Variants in PLCL1 observed in about 807,000 individuals in gnomAD.
PLCL1 encodes the protein inactive phospholipase C-like protein 1.
PLCL1 carries 41 observed loss-of-function variants against 84.4 expected under a neutral mutation model. The observed-to-expected ratio is 0.49, with a 90% CI of 0.38 to 0.63. The LOEUF (loss-of-function observed/expected upper bound fraction) is 0.63. PLCL1 is among the 30% of genes least tolerant of loss of function. PLCL1 has a pLI of 0.00. For synonymous variants in PLCL1, 490 were observed against 488.3 expected (o/e 1.00, Z -0.05); for missense variants, 1,206 against 1,367.8 (o/e 0.88, Z 1.87).
intron 1 of PLCL1, among the ~76,000 whole-genome samples, chr2:198,026,535 C>A (rs928127076): frequency 6.6e-6 from 1 of 151,996 alleles, no homozygotes; most frequent in African/African-American, 2.4e-5. Flanking sequence ...AGACAGATTT[C>A]TAGATTGTAA....
intron 5 of PLCL1, among the ~76,000 whole-genome samples, chr2:198,117,804 A>G (rs1009771605): frequency 6.6e-6 from 1 of 151,792 alleles, no homozygotes; most frequent in Non-Finnish European, 1.5e-5. Flanking sequence ...TTAACAATGT[A>G]TATTGTGTAT....
intron 1 of PLCL1, among the ~76,000 whole-genome samples, chr2:197,981,066 ATGT>A (rs1690094915): frequency 2.0e-5 from 3 of 152,336 alleles, no homozygotes; most frequent in Non-Finnish European, 2.9e-5. Context: ...TCTTCTTTTA[ATGT>A]GAAAAGAATA....
intron 1 of PLCL1, among the ~76,000 whole-genome samples, chr2:197,921,016 A>G (rs1235894148): frequency 6.6e-6 from 1 of 152,240 alleles, no homozygotes; most frequent in Admixed American, 6.5e-5. Context: ...GTATACTCAC[A>G]TTGACAGACT....
intron 5 of PLCL1, among the ~76,000 whole-genome samples, chr2:198,136,062 A>G (rs1465773197): frequency 6.6e-6 from 1 of 152,154 alleles, no homozygotes. Flanking sequence ...GAGTAATGCA[A>G]TCCTGGCTTT....
chr2:198,142,946 T>G lies in PLCL1; in HGVS notation c.3106-3834T>G, dbSNP rs137874679. On this transcript the variant is annotated intron_variant, in intron 5 of 5. Coordinates refer to ENST00000428675, the MANE Select transcript of PLCL1 (RefSeq NM_006226.4). ...ACTTGTACATTAATTCTGCATTTCA[T>G]GCCATAACAATCCTAAACTTATTTT... Among the ~76,000 whole-genome samples, 597 of 152,272 alleles carry G rather than the reference T, an allele frequency of 3.9e-3. 3 individuals are homozygous for G. The highest frequency in any genetic ancestry group is 6.5e-3 in the Non-Finnish European group (444 of 68,000).
In PLCL1 at chr2:198,085,261, T is replaced by C; in HGVS notation, c.1744T>C (p.Cys582Arg). The change falls in exon 2 of 6, where the codon TGT (cysteine) becomes CGT (arginine). Residue 582 changes from cysteine (C) to arginine (R), a missense_variant. Transcript: ENST00000428675. This position sits in a 1 kb window ranked among gnomAD's most constrained non-coding sequence, Gnocchi z 5.3. ...YNGEQKQIRL[C>R]RELSDLVSIC... Reference sequence around the variant, plus strand: ...TGGTGAGCAGAAGCAAATCCGACTCTGTAGGGAGCTCTCTGATTTGGTGTC... The same window carrying C: ...TGGTGAGCAGAAGCAAATCCGACTCCGTAGGGAGCTCTCTGATTTGGTGTC... 1 of 1,614,094 alleles carries C rather than the reference T, an allele frequency of 6.2e-7. No individual in the cohort carries two copies. The highest frequency in any genetic ancestry group is 8.5e-7 in the Non-Finnish European group (1 of 1,179,948).
At chr2:197,831,986 G>A (rs940126996) in intron 1 of PLCL1, among the ~76,000 whole-genome samples, 2 of 152,216 alleles carry the variant, frequency 1.3e-5, no homozygotes, top group Admixed American at 6.5e-5. Context: ...TACCAGAATC[G>A]CTGGGACACA....
At chr2:198,079,116 T>C (rs1196925449) in intron 1 of PLCL1, among the ~76,000 whole-genome samples, 2 of 151,906 alleles carry the variant, frequency 1.3e-5, no homozygotes, top group South Asian at 4.1e-4. Flanking sequence ...TGAAGAAAAA[T>C]GATTTTTTTT....
intron 5 of PLCL1, among the ~76,000 whole-genome samples, chr2:198,119,261 A>T (rs1464390110): frequency 6.6e-6 from 1 of 152,020 alleles, no homozygotes; most frequent in East Asian, 1.9e-4. Context: ...TCTGAAAAAA[A>T]TGCTCTAAAT....
chr2:197,915,909 T>A (rs933682749), intron 1 of PLCL1, among the ~76,000 whole-genome samples: 4 of 152,150 alleles, frequency 2.6e-5, no homozygotes, highest in African/African-American at 9.7e-5. Flanking sequence ...AGTATAAGAT[T>A]TTTCAGAGGA....
At chr2:197,823,643 A>G (rs1453707792) in intron 1 of PLCL1, among the ~76,000 whole-genome samples, 2 of 152,114 alleles carry the variant, frequency 1.3e-5, no homozygotes, top group African/African-American at 4.8e-5. Context: ...TGGCTGCCAT[A>G]TCTAACCAGG....
chr2:198,031,009 G>T (rs571483115), intron 1 of PLCL1, among the ~76,000 whole-genome samples: 1 of 152,014 alleles, frequency 6.6e-6, no homozygotes, highest in Non-Finnish European at 1.5e-5. Flanking sequence ...TTAATAAAGC[G>T]CTCTAAAACA....
chr2:198,103,957 T>TA, intron 5 of PLCL1, 21 bp downstream of exon 5: 1 of 1,225,842 alleles, frequency 8.2e-7, no homozygotes. Context: ...CACTCAGATG[T>TA]CCCCTGTGCC....
intron 5 of PLCL1, among the ~76,000 whole-genome samples, chr2:198,113,761 A>T (rs1283649710): frequency 6.6e-6 from 1 of 151,886 alleles, no homozygotes; most frequent in East Asian, 1.9e-4. Context: ...GGAGTTCTAA[A>T]ATTTCTGCCT....
intron 1 of PLCL1, among the ~76,000 whole-genome samples, chr2:197,851,832 C>T (rs903544249): frequency 1.3e-5 from 2 of 152,202 alleles, no homozygotes; most frequent in Admixed American, 6.5e-5. Context: ...AGTACTGGCA[C>T]CTGGCCCCAT....
In PLCL1 at chr2:198,126,133, T is replaced by G. The variant is rs1411978649; in HGVS notation, c.3106-20647T>G. 2.0e-5 allele frequency among the ~76,000 whole-genome samples: 3 copies of G among 152,144 alleles called. No homozygotes were observed. The East Asian group carries it at 5.8e-4, about 29-fold the overall frequency. On this transcript the variant is annotated intron_variant, in intron 5 of 5. Coordinates refer to ENST00000428675, the MANE Select transcript of PLCL1 (RefSeq NM_006226.4). ...CACTTTCCCTACAATAGATTTCATT[T>G]TTCTTTGATTAGTTTCCACTTACTC...
At chr2:197,823,594 A>C (rs1223325399) in intron 1 of PLCL1, among the ~76,000 whole-genome samples, 5 of 152,172 alleles carry the variant, frequency 3.3e-5, no homozygotes, top group Admixed American at 1.3e-4. Context: ...GGCTTTGAAT[A>C]AAATGGTATG....
chr2:197,865,807 G>T (rs1687518785), intron 1 of PLCL1, among the ~76,000 whole-genome samples: 1 of 151,190 alleles, frequency 6.6e-6, no homozygotes, highest in Non-Finnish European at 1.5e-5. Context: ...GAGCTCAGGA[G>T]TTCAAGACCA....
intron 1 of PLCL1, among the ~76,000 whole-genome samples, chr2:198,030,703 C>CAGCA (rs1176377527): frequency 3.3e-5 from 5 of 152,142 alleles, no homozygotes; most frequent in Non-Finnish European, 7.4e-5. Flanking sequence ...TGTTATTCTG[C>CAGCA]TTTGCTAATG....
Sources: allele counts gnomAD v4.1 joint callset (sites outside exome capture counted in the v4.1 genomes callset), GRCh38; gene constraint gnomAD v4.1.1; non-coding constraint Gnocchi (gnomAD v3.1); transcripts MANE v1.5; gene names NCBI Gene and HGNC (gene_info 2026-07-23, HGNC 2026-07-21).